TLL1: variants seen among roughly 807,000 people sequenced by gnomAD.
The protein encoded by TLL1 is tolloid like 1, also known as tolloid-like protein 1.
Under a neutral mutation model 128.2 loss-of-function variants are expected in TLL1, and 49 were observed. The ratio of observed to expected loss-of-function variants is 0.38; its 90% CI spans 0.30 to 0.48. The LOEUF (loss-of-function observed/expected upper bound fraction) is 0.48. Among genes scored for constraint, TLL1 ranks in the 20% least tolerant of loss-of-function variants. The pLI is 0.96. For missense variants in TLL1, 1,123 were observed against 1,242.0 expected, an observed-to-expected ratio of 0.90 and a Z score of 1.44; for synonymous variants, 454 against 418.8, an observed-to-expected ratio of 1.08 and a Z score of -1.03.
intron 1 of TLL1, among the ~76,000 whole-genome samples, chr4:165,877,453 T>A (rs1730766754): frequency 6.6e-6 from 1 of 152,244 alleles, no homozygotes; most frequent in African/African-American, 2.4e-5. Context: ...AGGTTTCTCT[T>A]ACTCTCTAGG....
rs563767621 is a variant in TLL1, at chr4:165,993,274, T to C, written c.361+390T>C. 2.6e-5 allele frequency among the ~76,000 whole-genome samples: 4 copies of C among 152,122 alleles called. No individual in the cohort carries two copies. In the South Asian group the frequency reaches 8.3e-4, roughly 31 times the overall value. On this transcript the variant is annotated intron_variant, in intron 3 of 20. Coordinates refer to ENST00000061240, the MANE Select transcript of TLL1 (RefSeq NM_012464.5). ...TACTTAAAGTAAAATGAAAAACTTA[T>C]TACCGGATTTAAAAAGTTAAAATGT...
At chr4:166,090,276 TG>T (rs2111157105) in intron 18 of TLL1, among the ~76,000 whole-genome samples, 1 of 152,230 alleles carries the variant, frequency 6.6e-6, no homozygotes, top group African/African-American at 2.4e-5. Context: ...AAAGAGCCTT[TG>T]GCAATGGCAA....
At position 166,085,976 on chromosome 4, in the gene TLL1, G is replaced by A. The variant is rs574962237; in HGVS notation, c.2443-5152G>A. 6.4e-4 allele frequency among the ~76,000 whole-genome samples: 98 copies of A among 152,172 alleles called. 1 individual carries two copies. Among genetic ancestry groups the A allele is most frequent in the Middle Eastern group, 3.4e-3 (1 of 292 alleles). On this transcript the variant is annotated intron_variant, in intron 18 of 20. Coordinates refer to ENST00000061240, the MANE Select transcript of TLL1 (RefSeq NM_012464.5). ...GTGACATGTAGGTAGTGGCTGATAG[G>A]TATAAACAAGCTTTCTTTCACTGTG...
intron 1 of TLL1, among the ~76,000 whole-genome samples, chr4:165,981,215 G>A (rs937935936): frequency 6.6e-6 from 1 of 151,980 alleles, no homozygotes; most frequent in African/African-American, 2.4e-5. Context: ...TAACCAGATA[G>A]TTCAATAGAT....
At chr4:166,052,961 A>ATGTGTGTGTG (rs139204407) in intron 12 of TLL1, among the ~76,000 whole-genome samples, 9 of 109,134 alleles carry the variant, frequency 8.2e-5, no homozygotes, top group African/African-American at 3.9e-4. Flanking sequence ...ATAAGAGGTT[A>ATGTGTGTGTG]TGTGTATATA....
intron 9 of TLL1, among the ~76,000 whole-genome samples, chr4:166,037,870 C>T (rs1739071401): frequency 6.6e-6 from 1 of 151,586 alleles, no homozygotes; most frequent in African/African-American, 2.4e-5. Context: ...AAAATTCCAC[C>T]CCTATTTTCT....
intron 6 of TLL1, among the ~76,000 whole-genome samples, chr4:166,004,931 T>C (rs1737345571): frequency 6.6e-6 from 1 of 150,406 alleles, no homozygotes; most frequent in Non-Finnish European, 1.5e-5. Flanking sequence ...CTTATAGCGA[T>C]CGTTAACTGG....
chr4:165,936,206 A>ATATAT (rs765472596), intron 1 of TLL1, among the ~76,000 whole-genome samples: 4 of 139,602 alleles, frequency 2.9e-5, no homozygotes, highest in African/African-American at 7.9e-5. Context: ...ATATATATAT[A>ATATAT]TTTTTTTTTC....
intron 15 of TLL1, 92 bp from the exon 16 acceptor site, chr4:166,065,591 A>G (rs1740532041): frequency 7.0e-7 from 1 of 1,429,872 alleles, no homozygotes; most frequent in African/African-American, 1.4e-5. Context: ...CCGTAAGAGT[A>G]AAATGGGAAA....
chr4:166,100,622 G>T (rs992361225), intron 20 of TLL1, 120 bp from the exon 21 acceptor site: 1 of 1,337,700 alleles, frequency 7.5e-7, no homozygotes, highest in Non-Finnish European at 1.1e-6. Context: ...ACTCTCCAAG[G>T]TTGTTGGGAG....
Position 166,075,000 on chromosome 4 carries a change from G to A in TLL1, c.2311G>A (p.Glu771Lys). ...ACATGACAATAAACATGATTGCAAG[G>A]AAGGTATGGAACGGAATACACTTTT... ...VLHDNKHDCK[E>K]AECEQKIHSP... The change falls in exon 17 of 21, where the codon GAA (glutamate) becomes AAA (lysine). Residue 771 changes from glutamate to lysine, a missense_variant. Around this residue, in one of 3 missense-constraint regions of TLL1, gnomAD observed 634 missense variants for 672.4 expected, o/e 0.94. Transcript: ENST00000061240. The A allele has an allele frequency of 6.2e-7, 1 of 1,613,324 alleles. No individual in the cohort carries two copies. The highest frequency in any genetic ancestry group is 8.5e-7 in the Non-Finnish European group (1 of 1,179,448).
At chr4:166,015,366 A>G (rs1737887879) in intron 8 of TLL1, among the ~76,000 whole-genome samples, 1 of 152,072 alleles carries the variant, frequency 6.6e-6, no homozygotes, top group African/African-American at 2.4e-5. Flanking sequence ...GGTTGCAGAT[A>G]CAATAAAACA....
chr4:165,946,540 A>G (rs1367322201), intron 1 of TLL1, among the ~76,000 whole-genome samples: 2 of 132,852 alleles, frequency 1.5e-5, no homozygotes, highest in East Asian at 2.2e-4. Context: ...AGGTTTTCCC[A>G]TATTGCCCAA....
At chr4:166,028,183 G>C (rs1579644155) in intron 9 of TLL1, among the ~76,000 whole-genome samples, 1 of 151,876 alleles carries the variant, frequency 6.6e-6, no homozygotes, top group Admixed American at 6.6e-5. Flanking sequence ...GACACTGAAG[G>C]CTGTAATTTT....
At chr4:166,052,228 TTTAA>T (rs1451817675) in intron 12 of TLL1, among the ~76,000 whole-genome samples, 1 of 152,214 alleles carries the variant, frequency 6.6e-6, no homozygotes, top group Non-Finnish European at 1.5e-5. Context: ...TAAAACCCTT[TTTAA>T]TTAACATTTT....
chr4:165,932,193 A>C (rs1201816097), intron 1 of TLL1, among the ~76,000 whole-genome samples: 1 of 152,176 alleles, frequency 6.6e-6, no homozygotes, highest in Non-Finnish European at 1.5e-5. Context: ...GTCCACACTT[A>C]CGAGATTCAC....
intron 1 of TLL1, among the ~76,000 whole-genome samples, chr4:165,896,774 C>G (rs1288271284): frequency 1.3e-5 from 2 of 151,978 alleles, no homozygotes; most frequent in African/African-American, 4.8e-5. Flanking sequence ...TGAGGCACCG[C>G]ACCTGGCTGT....
intron 6 of TLL1, among the ~76,000 whole-genome samples, chr4:166,005,370 T>G (rs17590140): frequency 0.54 from 81,391 of 151,678 alleles, 22,955 homozygotes; most frequent in African/African-American, 0.73. Context: ...GGATGGAGAA[T>G]AGAAAAAGGT....
chr4:166,020,314 A>C (rs545839892), intron 8 of TLL1, among the ~76,000 whole-genome samples: 1 of 152,226 alleles, frequency 6.6e-6, no homozygotes, highest in South Asian at 2.1e-4. Context: ...CCTGTCTTAC[A>C]ATCTTTTCTA....
Sources: gnomAD v4.1 joint callset for allele counts (sites outside exome capture counted in the v4.1 genomes callset) on GRCh38, gnomAD v4.1.1 for gene constraint, gnomAD v4.1.1 regional missense constraint, MANE v1.5 for transcripts, NCBI Gene and HGNC (gene_info 2026-07-23, HGNC 2026-07-21) for gene names.